Variants in PPFIA2 observed in about 807,000 individuals in gnomAD.
PPFIA2 encodes the protein PPFI scaffold protein A2.
Under a neutral mutation model 175.5 loss-of-function variants are expected in PPFIA2, and 46 were observed. The ratio of observed to expected loss-of-function variants is 0.26; its 90% CI spans 0.21 to 0.34. PPFIA2 has a LOEUF of 0.34. Among genes scored for constraint, PPFIA2 ranks in the 10% least tolerant of loss-of-function variants. PPFIA2 has a pLI of 1.00. For synonymous variants in PPFIA2, 568 were observed against 511.4 expected, an observed-to-expected ratio of 1.11 and a Z score of -1.49; for missense variants, 1,179 against 1,506.1, an observed-to-expected ratio of 0.78 and a Z score of 3.60.
chr12:81,677,569 A>T (rs1042961150), intron 3 of PPFIA2, among the ~76,000 whole-genome samples: 4 of 151,782 alleles, frequency 2.6e-5, no homozygotes, highest in African/African-American at 9.7e-5. Context: ...TTTTTTTTAT[A>T]GCTCTTACAT....
chr12:81,344,785 TTGAC>T, intron 18 of PPFIA2, 92 bp from the exon 19 acceptor site: 1 of 858,514 alleles, frequency 1.2e-6, no homozygotes, highest in Admixed American at 2.8e-5. Context: ...TGTCTACAAC[TTGAC>T]TATCATTTTT....
intron 28 of PPFIA2, among the ~76,000 whole-genome samples, chr12:81,277,111 C>T (rs2040722182): frequency 6.6e-6 from 1 of 151,904 alleles, no homozygotes; most frequent in African/African-American, 2.4e-5. Context: ...AAGATTACTC[C>T]CCAAATGGGA....
At chr12:81,632,370 T>C (rs1255578825) in intron 4 of PPFIA2, among the ~76,000 whole-genome samples, 2 of 152,000 alleles carry the variant, frequency 1.3e-5, no homozygotes, top group African/African-American at 2.4e-5. Context: ...TTACATAATT[T>C]GAAAAACATA....
chr12:81,618,308 C>T (rs1235541968), intron 4 of PPFIA2, among the ~76,000 whole-genome samples: 4 of 150,196 alleles, frequency 2.7e-5, no homozygotes, highest in Non-Finnish European at 4.4e-5. Context: ...ATATTTTTTT[C>T]TGTTTTATTA....
intron 4 of PPFIA2, among the ~76,000 whole-genome samples, chr12:81,538,044 T>C (rs539353034): frequency 6.6e-6 from 1 of 151,814 alleles, no homozygotes; most frequent in African/African-American, 2.4e-5. Flanking sequence ...AACCTCACAG[T>C]ATAGTAGGTG....
At chr12:81,568,144 T>G (rs1454580130) in intron 4 of PPFIA2, among the ~76,000 whole-genome samples, 1 of 152,220 alleles carries the variant, frequency 6.6e-6, no homozygotes, top group Non-Finnish European at 1.5e-5. Context: ...AGGGGGTGGA[T>G]AAAACATTAA....
At chr12:81,634,090 C>T (rs1230395469) in intron 4 of PPFIA2, among the ~76,000 whole-genome samples, 2 of 151,892 alleles carry the variant, frequency 1.3e-5, no homozygotes, top group East Asian at 1.9e-4. Context: ...TTTGCCTCAC[C>T]CAATATAGAT....
intron 4 of PPFIA2, 54 bp downstream of exon 4, chr12:81,676,737 T>C: frequency 7.8e-7 from 1 of 1,284,166 alleles, no homozygotes; most frequent in East Asian, 2.7e-5. Context: ...GATAATCTGG[T>C]GTGTACACAA....
intron 4 of PPFIA2, among the ~76,000 whole-genome samples, chr12:81,526,363 TATC>T (rs1298483956): frequency 7.9e-5 from 12 of 152,282 alleles, no homozygotes; most frequent in Admixed American, 7.9e-4. Context: ...ATGGAAATAA[TATC>T]ATGAACTGAA....
intron 4 of PPFIA2, among the ~76,000 whole-genome samples, chr12:81,507,117 G>A (rs2061261033): frequency 6.6e-6 from 1 of 152,212 alleles, no homozygotes; most frequent in Admixed American, 6.5e-5. Context: ...CTGGCTGACA[G>A]AAATGCTTAT....
chr12:81,575,723 G>T (rs1416029272), intron 4 of PPFIA2, among the ~76,000 whole-genome samples: 2 of 151,726 alleles, frequency 1.3e-5, no homozygotes, highest in Non-Finnish European at 2.9e-5. Context: ...ATTTGGTCAG[G>T]AAAGGCTGTT....
chr12:81,597,884 A>G, intron 4 of PPFIA2: 1 of 1,438,956 alleles, frequency 6.9e-7, no homozygotes, highest in Non-Finnish European at 9.4e-7. Flanking sequence ...TCCTTTATAT[A>G]GCACTTTGTT....
intron 15 of PPFIA2, among the ~76,000 whole-genome samples, chr12:81,362,214 G>A (rs1295026645): frequency 6.8e-6 from 1 of 147,060 alleles, no homozygotes; most frequent in Non-Finnish European, 1.5e-5. Flanking sequence ...TTACTTTACC[G>A]AAATAGGTAG....
chr12:81,601,314 T>C (rs1230615831), intron 4 of PPFIA2, among the ~76,000 whole-genome samples: 3 of 151,954 alleles, frequency 2.0e-5, no homozygotes, highest in Admixed American at 1.3e-4. Flanking sequence ...TGAATGTCTA[T>C]TTGGAAACAA....
chr12:81,364,809 T>C (rs2032558829), intron 14 of PPFIA2, among the ~76,000 whole-genome samples: 1 of 151,824 alleles, frequency 6.6e-6, no homozygotes, highest in South Asian at 2.1e-4. Context: ...AGATGTGGGA[T>C]ATGAAACAAA....
intron 3 of PPFIA2, among the ~76,000 whole-genome samples, chr12:81,745,678 G>A (rs1033975339): frequency 1.2e-4 from 18 of 152,156 alleles, no homozygotes; most frequent in Middle Eastern, 3.2e-3. Flanking sequence ...CATGAGGACC[G>A]CAGTTGCTCT....
intron 3 of PPFIA2, among the ~76,000 whole-genome samples, chr12:81,727,770 G>C (rs1272525064): frequency 6.6e-6 from 1 of 151,344 alleles, no homozygotes. Flanking sequence ...AGGTGATCCT[G>C]ATGTAAGAGA....
chr12:81,354,597 A>G (rs2060572280), intron 16 of PPFIA2, among the ~76,000 whole-genome samples: 1 of 151,984 alleles, frequency 6.6e-6, no homozygotes, highest in Middle Eastern at 3.2e-3. Context: ...GAGCCCTTCA[A>G]AGTCATCCAT....
chr12:81,393,219 A>G (rs1256073637), intron 8 of PPFIA2, among the ~76,000 whole-genome samples: 1 of 152,110 alleles, frequency 6.6e-6, no homozygotes, highest in Non-Finnish European at 1.5e-5. Flanking sequence ...ATTGATAGAG[A>G]AAAACATTCA....
Sources: allele counts gnomAD v4.1 joint callset (sites outside exome capture counted in the v4.1 genomes callset), GRCh38; gene constraint gnomAD v4.1.1; transcripts MANE v1.5; gene names NCBI Gene and HGNC (gene_info 2026-07-23, HGNC 2026-07-21).